Variants in DCPS observed in about 807,000 individuals in gnomAD.
The protein encoded by DCPS is decapping enzyme, scavenger.
A neutral mutation model predicts 34.7 loss-of-function variants in DCPS; 27 were observed. The ratio of observed to expected loss-of-function variants is 0.78; its 90% confidence interval spans 0.57 to 1.07. DCPS has a LOEUF of 1.07. Ranked by LOEUF, DCPS falls within the 50% of genes least tolerant of loss-of-function variation. DCPS has a pLI of 0.00. For missense variants in DCPS, 464 were observed against 436.9 expected (o/e 1.06, Z -0.55); for synonymous variants, 185 against 185.7 (o/e 1.00, Z 0.03).
In DCPS at chr11:126,334,448, A is replaced by G. The variant is rs934425995; in HGVS notation, c.522+2898A>G. On this transcript the variant is annotated intron_variant, in intron 3 of 5. Coordinates refer to ENST00000263579, the MANE Select transcript of DCPS (RefSeq NM_014026.6). The surrounding 1 kb of genome is among the most constrained non-coding windows in gnomAD (Gnocchi z 5.5). Reference sequence around the variant, plus strand: ...AACCTTCTCCTGCCAGGTTCAAGTGATTCTCCTGTCTCACCCTCCCAAGTA... The same window carrying G: ...AACCTTCTCCTGCCAGGTTCAAGTGGTTCTCCTGTCTCACCCTCCCAAGTA... Among the ~76,000 whole-genome samples, 32 of 151,854 alleles carry G rather than the reference A, an allele frequency of 2.1e-4. No homozygotes were observed. Among genetic ancestry groups the G allele is most frequent in the African/African-American group, 7.5e-4 (31 of 41,300 alleles).
intron 2 of DCPS, among the ~76,000 whole-genome samples, 189 bp downstream of exon 2, chr11:126,306,933 G>A (rs1264438053): frequency 6.6e-6 from 1 of 152,112 alleles, no homozygotes. Flanking sequence ...TGGTGGTGGG[G>A]TGTTGCTTCT....
chr11:126,339,387 G>C (rs1951859802), intron 4 of DCPS, among the ~76,000 whole-genome samples: 1 of 152,218 alleles, frequency 6.6e-6, no homozygotes, highest in South Asian at 2.1e-4. Context: ...AGCCTCGTCT[G>C]CCCCTCCGCG....
At position 126,305,676 on chromosome 11, in the gene DCPS, C is replaced by T. The variant is rs533783609; in HGVS notation, c.202-894C>T. Among the ~76,000 whole-genome samples the T allele has an allele frequency of 2.0e-5, 3 of 152,336 alleles. No individual in the cohort carries two copies. The South Asian group carries it at 6.2e-4, about 32-fold the overall frequency. The stretch of plus-strand genomic sequence containing the variant: ...CCTCAGGTGATCCACCCACCTCTGC[C>T]TCCCAAAGTGCTGGGATTATAGGCA... On this transcript the variant is annotated intron_variant, in intron 1 of 5. Coordinates refer to ENST00000263579, the MANE Select transcript of DCPS (RefSeq NM_014026.6).
At chr11:126,308,729 C>A (rs1951593600) in intron 2 of DCPS, among the ~76,000 whole-genome samples, 1 of 149,884 alleles carries the variant, frequency 6.7e-6, no homozygotes, top group Non-Finnish European at 1.5e-5. Context: ...CCTCTACCCA[C>A]CCTCCCCACC....
chr11:126,338,363 T>G lies in DCPS; in HGVS notation c.600T>G (p.Phe200Leu). Residue 200 changes from phenylalanine to leucine, a missense_variant, in exon 4 of 6, where the codon TTT becomes TTG. Physicochemically the swap from Phe to Leu is conservative, Grantham distance 22. Transcript: ENST00000263579. The surrounding 1 kb of genome is among the most constrained non-coding windows in gnomAD (Gnocchi z 5.4). ...VFENPDPSDGFVLIPDLKWNQ... is the reference protein window; with the variant it reads ...VFENPDPSDGLVLIPDLKWNQ... ...AGAACCCAGATCCCTCTGATGGTTT[T>G]GTCCTCATCCCTGACCTCAAGTGGA... The G allele has an allele frequency of 6.2e-7, 1 of 1,614,224 alleles. No homozygotes were observed. Among genetic ancestry groups the G allele is most frequent in the Non-Finnish European group, 8.5e-7 (1 of 1,180,038 alleles).
intron 2 of DCPS, among the ~76,000 whole-genome samples, chr11:126,307,752 A>G (rs1951584399): frequency 6.6e-6 from 1 of 152,226 alleles, no homozygotes; most frequent in Non-Finnish European, 1.5e-5. Flanking sequence ...AATTGTCAAC[A>G]ACACTTAGGA....
chr11:126,331,458 C>T lies in DCPS; in HGVS notation c.430C>T (p.Leu144=), dbSNP rs780109270. Reference sequence around the variant, plus strand: ...CACAGAGAAACACCTGCAGAAGTACCTGCGCCAGGACCTCCGCCTGATCCG... The same window carrying T: ...CACAGAGAAACACCTGCAGAAGTACTTGCGCCAGGACCTCCGCCTGATCCG... ...PATEKHLQKY[L]RQDLRLIRET... Residue 144 remains leucine, a synonymous_variant, in exon 3 of 6, where the codon CTG becomes TTG. Transcript: ENST00000263579. The surrounding 1 kb of genome is among the most constrained non-coding windows in gnomAD (Gnocchi z 7.2). 2 of 1,614,174 alleles carry T rather than the reference C, an allele frequency of 1.2e-6. No homozygotes were observed.
Position 126,346,872 on chromosome 11 carries a change from G to C in DCPS, c.*1259G>C, listed in dbSNP as rs924280427. The stretch of plus-strand genomic sequence containing the variant: ...CCTGCTGTGGACCCCCATGGTCCTG[G>C]GAGAGACTCCTTAGAAACAGCAGAA... On this transcript the variant is annotated 3_prime_UTR_variant, in exon 6 of 6. Transcript: ENST00000263579. This position sits in a 1 kb window ranked among gnomAD's most constrained non-coding sequence, Gnocchi z 4.1. Among the ~76,000 whole-genome samples the C allele has an allele frequency of 5.3e-5, 8 of 152,074 alleles. No individual in the cohort carries two copies. Among genetic ancestry groups the C allele is most frequent in the Non-Finnish European group, 1.0e-4 (7 of 68,008 alleles).
rs1951633888 is a variant in DCPS at position 126,313,425 on chromosome 11, A to G, written c.376+6681A>G. 6.6e-6 allele frequency among the ~76,000 whole-genome samples: 1 copy of G among 152,210 alleles called. No homozygotes were observed. The highest frequency in any genetic ancestry group is 1.5e-5 in the Non-Finnish European group (1 of 68,040). ...TTGGTAGCATTGTTAATGATAGAAC[A>G]AACTAGAAACAATCAAATAACAGTA... On this transcript the variant is annotated intron_variant, in intron 2 of 5. Coordinates refer to ENST00000263579, the MANE Select transcript of DCPS (RefSeq NM_014026.6). This position sits in a 1 kb window ranked among gnomAD's most constrained non-coding sequence, Gnocchi z 4.9.
chr11:126,309,641 A>C lies in DCPS; in HGVS notation c.376+2897A>C, dbSNP rs190676387. Among the ~76,000 whole-genome samples the C allele has an allele frequency of 4.3e-3, 659 of 152,258 alleles. 7 individuals are homozygous for C. The highest frequency in any genetic ancestry group is 0.015 in the African/African-American group (623 of 41,542). ...CCACAATACGGAGGGCCGACTGTAC[A>C]TGCGGTGCCTTTCGCTCCTGCTTTT... is the stretch of plus-strand genomic sequence containing the variant. On this transcript the variant is annotated intron_variant, in intron 2 of 5. Coordinates refer to ENST00000263579, the MANE Select transcript of DCPS (RefSeq NM_014026.6).
Position 126,337,931 on chromosome 11 carries a change from CG to C in DCPS, c.523-353del. The C allele has an allele frequency of 4.3e-6, 1 of 233,934 alleles. No homozygotes were observed. Among genetic ancestry groups the C allele is most frequent in the Non-Finnish European group, 8.5e-6 (1 of 117,066 alleles). The allele number at this position is 233,934 out of a possible 1,614,324, so 14.5% of individuals were successfully genotyped here. On this transcript the variant is annotated intron_variant, in intron 3 of 5. Transcript: ENST00000263579. The surrounding 1 kb of genome is among the most constrained non-coding windows in gnomAD (Gnocchi z 5.3). ...CAGCTCTTCCCCTGAGTCCTGTGAG[CG>C]GTGGAGGGGGTCACTGCTATAGAGG...
chr11:126,306,372 CAAAAAA>C, intron 1 of DCPS, among the ~76,000 whole-genome samples, 192 bp from the exon 2 acceptor site: 1 of 141,948 alleles, frequency 7.0e-6, no homozygotes, highest in Middle Eastern at 3.6e-3. Context: ...CACTCCATCT[CAAAAAA>C]AAAAAGATGC....
chr11:126,328,137 C>G lies in DCPS; in HGVS notation c.377-3268C>G, dbSNP rs1214759781. Among the ~76,000 whole-genome samples, 2 of 152,206 alleles carry G rather than the reference C, an allele frequency of 1.3e-5. No homozygotes were observed. ...CCATGGCTGACGCGAGTTAGTGGGT[C>G]AGTGGGGAGCCGGCGCGGCTGGAGC... On this transcript the variant is annotated intron_variant, in intron 2 of 5. Transcript: ENST00000263579. The surrounding 1 kb of genome is among the most constrained non-coding windows in gnomAD (Gnocchi z 6.6).
Position 126,348,710 on chromosome 11 carries a change from C to T in DCPS, c.*3097C>T, listed in dbSNP as rs987497895. Reference sequence around the variant, plus strand: ...TTTTATTCCTATTTGTGAGTTTCTCCGCTTTCCTCACTAGACTGAGAGGGT... The same window carrying T: ...TTTTATTCCTATTTGTGAGTTTCTCTGCTTTCCTCACTAGACTGAGAGGGT... On this transcript the variant is annotated 3_prime_UTR_variant, in exon 6 of 6. Coordinates refer to ENST00000263579, the MANE Select transcript of DCPS (RefSeq NM_014026.6). The surrounding 1 kb of genome is among the most constrained non-coding windows in gnomAD (Gnocchi z 5.3). 2.1e-4 allele frequency among the ~76,000 whole-genome samples: 32 copies of T among 152,210 alleles called. No homozygotes were observed. The highest frequency in any genetic ancestry group is 7.5e-4 in the African/African-American group (31 of 41,454).
rs1046085193 is a variant in DCPS, at chr11:126,348,853, A to C, written c.*3240A>C. Among the ~76,000 whole-genome samples the C allele has an allele frequency of 3.3e-5, 5 of 152,210 alleles. No homozygotes were observed. Among genetic ancestry groups the C allele is most frequent in the South Asian group, 2.1e-4 (1 of 4,832 alleles). The stretch of plus-strand genomic sequence containing the variant: ...CATTATAACACTACATTCATATAGC[A>C]GATCATTTCATGACCCACATTCTCC... On this transcript the variant is annotated 3_prime_UTR_variant, in exon 6 of 6. Coordinates refer to ENST00000263579, the MANE Select transcript of DCPS (RefSeq NM_014026.6). The surrounding 1 kb of genome is among the most constrained non-coding windows in gnomAD (Gnocchi z 5.3).
In DCPS at chr11:126,335,624, C is replaced by A. The variant is rs370686223; in HGVS notation, c.523-2662C>A. ...TGAACTTCCTTGCACTTGCATTCTT[C>A]TTAACTGTAAAATGGGGACAATGTC... On this transcript the variant is annotated intron_variant, in intron 3 of 5. Transcript: ENST00000263579. This position sits in a 1 kb window ranked among gnomAD's most constrained non-coding sequence, Gnocchi z 4.8. Among the ~76,000 whole-genome samples, 41 of 152,252 alleles carry A rather than the reference C, an allele frequency of 2.7e-4. No homozygotes were observed. The East Asian group carries it at 7.7e-3, about 29-fold the overall frequency.
chr11:126,336,095 G>A lies in DCPS; in HGVS notation c.523-2191G>A, dbSNP rs1177700378. On this transcript the variant is annotated intron_variant, in intron 3 of 5. Transcript: ENST00000263579. This position sits in a 1 kb window ranked among gnomAD's most constrained non-coding sequence, Gnocchi z 6.3. ...CACGCCACTGCACTCTAGTCTGGGC[G>A]AAAGAGCAAGACTCCATCTCAAAAA... is the stretch of plus-strand genomic sequence containing the variant. Among the ~76,000 whole-genome samples the A allele has an allele frequency of 5.4e-5, 7 of 129,166 alleles. No individual in the cohort carries two copies. The highest frequency in any genetic ancestry group is 3.8e-4 in the Admixed American group (4 of 10,492). 84.7% of individuals were successfully genotyped at this position (129,166 alleles called of 152,430 possible). A position where few individuals can be genotyped will look rare whatever the true frequency, so the allele number is the denominator to read the frequency against.
rs240553 is a variant in DCPS, at chr11:126,333,689, A to G, written c.522+2139A>G. ...TTGGGCTGCTGGAGGGTCAGAGGAGACAGCACTGAGATGGTAGGCAGGGGC... is the reference window on the plus strand; with the variant it reads ...TTGGGCTGCTGGAGGGTCAGAGGAGGCAGCACTGAGATGGTAGGCAGGGGC... On this transcript the variant is annotated intron_variant, in intron 3 of 5. Transcript: ENST00000263579. The surrounding 1 kb of genome is among the most constrained non-coding windows in gnomAD (Gnocchi z 5.7). Among the ~76,000 whole-genome samples the G allele has an allele frequency of 1.3e-5, 2 of 152,134 alleles. No individual in the cohort carries two copies. The highest frequency in any genetic ancestry group is 2.9e-5 in the Non-Finnish European group (2 of 68,014).
At chr11:126,309,620 A>G (rs1951604595) in intron 2 of DCPS, among the ~76,000 whole-genome samples, 1 of 152,136 alleles carries the variant, frequency 6.6e-6, no homozygotes, top group Non-Finnish European at 1.5e-5. Context: ...TGGAACCCAC[A>G]ATACGGAGGG....
Sources: gnomAD v4.1 joint callset for allele counts (sites outside exome capture counted in the v4.1 genomes callset) on GRCh38, gnomAD v4.1.1 for gene constraint, Gnocchi (gnomAD v3.1) non-coding constraint, MANE v1.5 for transcripts, NCBI Gene and HGNC (gene_info 2026-07-23, HGNC 2026-07-21) for gene names.